Variants in NCOR1 observed in about 807,000 individuals in gnomAD.
NCOR1 encodes the protein nuclear receptor corepressor 1.
Under a neutral mutation model 288.1 loss-of-function variants are expected in NCOR1, and 63 were observed. That is an observed-to-expected ratio of 0.22 (90% CI 0.18 to 0.27). The LOEUF (loss-of-function observed/expected upper bound fraction) is 0.27, where lower values mean the gene tolerates loss of function less well. NCOR1 is among the 10% of genes least tolerant of loss of function. The pLI is 1.00. For synonymous variants in NCOR1, 1,007 were observed against 1,065.9 expected, an observed-to-expected ratio of 0.94 and a Z score of 1.08; for missense variants, 2,397 against 3,019.2, an observed-to-expected ratio of 0.79 and a Z score of 4.83.
intron 16 of NCOR1, among the ~76,000 whole-genome samples, chr17:16,120,223 C>T (rs1221339177): frequency 6.6e-6 from 1 of 152,108 alleles, no homozygotes; most frequent in African/African-American, 2.4e-5. Context: ...ACATGCTGGG[C>T]CCTCTGCCTC....
At chr17:16,180,259 A>G (rs564856057) in intron 3 of NCOR1, among the ~76,000 whole-genome samples, 4 of 152,352 alleles carry the variant, frequency 2.6e-5, no homozygotes, top group Admixed American at 2.0e-4. Context: ...AAGGATGGCT[A>G]TTCTCCAAAA....
At chr17:16,065,770 G>C in intron 32 of NCOR1, 76 bp from the exon 33 acceptor site, 1 of 1,325,486 alleles carries the variant, frequency 7.5e-7, no homozygotes. Flanking sequence ...ACGTACAAAA[G>C]AGTAGAGAAA....
rs745909361 is a variant in NCOR1, at chr17:16,092,002, G to A, written c.2877C>T (p.Leu959=). 8.1e-6 allele frequency: 13 copies of A among 1,614,088 alleles called. No homozygotes were observed. In the East Asian group the frequency reaches 2.0e-4, roughly 25 times the overall value. Residue 959 remains leucine, a synonymous_variant, in exon 22 of 46, where the codon CTC becomes CTT. Coordinates refer to ENST00000268712, the MANE Select transcript of NCOR1 (RefSeq NM_006311.4). ...GCATTGCTTTAATGTGTCGCTGGTA[G>A]AGAGCATAGCCGCTCACTGGGGTTC... ...PIGTPVSGYA[L]YQRHIKAMHE...
intron 44 of NCOR1, among the ~76,000 whole-genome samples, chr17:16,038,434 TC>T (rs1377109378): frequency 9.9e-6 from 1 of 100,586 alleles, no homozygotes; most frequent in African/African-American, 4.1e-5. Context: ...TTTTTCCTAC[TC>T]TTTTTTTTTT....
At chr17:16,196,043 T>C (rs1236755037) in intron 1 of NCOR1, among the ~76,000 whole-genome samples, 3 of 151,182 alleles carry the variant, frequency 2.0e-5, no homozygotes, top group African/African-American at 4.8e-5. Context: ...TGTGTGTGCA[T>C]ACTCTCTTAC....
intron 18 of NCOR1, among the ~76,000 whole-genome samples, chr17:16,109,865 T>C (rs1194984619): frequency 6.6e-6 from 1 of 152,040 alleles, no homozygotes; most frequent in South Asian, 2.1e-4. Flanking sequence ...TCCCGAATAG[T>C]TGGAATTACA....
intron 18 of NCOR1, among the ~76,000 whole-genome samples, chr17:16,112,097 C>CTGACCTAATG (rs2070368418): frequency 6.6e-6 from 1 of 152,058 alleles, no homozygotes; most frequent in Non-Finnish European, 1.5e-5. Flanking sequence ...TCTCAATCTC[C>CTGACCTAATG]TGACCTAATG....
intron 34 of NCOR1, among the ~76,000 whole-genome samples, chr17:16,064,619 A>AC (rs1230436980): frequency 1.3e-5 from 2 of 152,076 alleles, no homozygotes; most frequent in South Asian, 2.1e-4. Flanking sequence ...AAAAACAAAA[A>AC]AAAAACAAGA....
rs1430205390 is a variant in NCOR1 at position 16,107,373 on chromosome 17, T to C, written c.2182+1413A>G. Among the ~76,000 whole-genome samples the C allele has an allele frequency of 2.0e-5, 3 of 151,680 alleles. No individual in the cohort carries two copies. In the East Asian group the frequency reaches 5.8e-4, roughly 29 times the overall value. ...ACAGTGGGCTCTAATCCAGTAGGAGTTGTCTTCATATGAGGAAGAGACACC... is the reference window on the plus strand; with the variant it reads ...ACAGTGGGCTCTAATCCAGTAGGAGCTGTCTTCATATGAGGAAGAGACACC... On this transcript the variant is annotated intron_variant, in intron 19 of 45. Transcript: ENST00000268712.
In NCOR1 at chr17:16,070,261, G is replaced by A; in HGVS notation, c.4417C>T (p.Pro1473Ser). 6.2e-7 allele frequency: 1 copy of A among 1,614,060 alleles called. No individual in the cohort carries two copies. Among genetic ancestry groups the A allele is most frequent in the Non-Finnish European group, 8.5e-7 (1 of 1,180,022 alleles). Residue 1473 changes from proline to serine, a missense_variant, in exon 31 of 46, where the codon CCT (proline) becomes TCT (serine). Transcript: ENST00000268712. ...LHEAPKAQLS[P>S]GIYDDTSARR... ...GCACTGGTGTCATCATAAATCCCAG[G>A]GCTCAGTTGTGCTTTGGGAGCTTCA... is the stretch of plus-strand genomic sequence containing the variant.
At chr17:16,056,675 T>G (rs1359773168) in intron 40 of NCOR1, among the ~76,000 whole-genome samples, 5 of 152,126 alleles carry the variant, frequency 3.3e-5, no homozygotes, top group Non-Finnish European at 5.9e-5. Context: ...TAACATTTGC[T>G]AATATTTAGT....
At chr17:16,161,230 GACACACACACACACACACACACACAC>G (rs67635232) in intron 5 of NCOR1, among the ~76,000 whole-genome samples, 1 of 143,122 alleles carries the variant, frequency 7.0e-6, no homozygotes, top group Non-Finnish European at 1.5e-5. Context: ...AACACACACA[GACACACACACACACACACACACACAC>G]ACACACACAC....
intron 18 of NCOR1, 132 bp from the exon 19 acceptor site, chr17:16,109,044 T>C (rs1185938322): frequency 1.4e-6 from 1 of 709,988 alleles, no homozygotes; most frequent in Non-Finnish European, 2.0e-6. Flanking sequence ...ACAATAGTTC[T>C]GGTTAAAGTG....
intron 1 of NCOR1, among the ~76,000 whole-genome samples, chr17:16,211,335 A>T (rs747955708): frequency 5.9e-5 from 9 of 151,572 alleles, no homozygotes; most frequent in Non-Finnish European, 1.2e-4. Context: ...ATCATGGCTC[A>T]CTGCAACCTC....
At chr17:16,087,347 T>C (rs961975405) in intron 22 of NCOR1, 2 of 1,303,588 alleles carry the variant, frequency 1.5e-6, no homozygotes, top group Non-Finnish European at 2.0e-6. Flanking sequence ...CTGATTTTCC[T>C]ATGAAAGTTA....
At chr17:16,075,242 GT>G (rs1390487216) in intron 27 of NCOR1, among the ~76,000 whole-genome samples, 1 of 152,164 alleles carries the variant, frequency 6.6e-6, no homozygotes, top group Admixed American at 6.5e-5. Context: ...TTCCATTAAA[GT>G]TCAACAAAGG....
intron 11 of NCOR1, among the ~76,000 whole-genome samples, chr17:16,140,106 CAG>C (rs1465440213): frequency 1.3e-5 from 2 of 152,070 alleles, no homozygotes; most frequent in Non-Finnish European, 2.9e-5. Flanking sequence ...AGAAATTTAA[CAG>C]AGATTTACTC....
intron 44 of NCOR1, among the ~76,000 whole-genome samples, chr17:16,038,745 C>G (rs907222343): frequency 1.3e-5 from 2 of 151,006 alleles, no homozygotes; most frequent in African/African-American, 4.9e-5. Flanking sequence ...TTATGGCTTA[C>G]GATTATTTTA....
At chr17:16,048,769 G>C in intron 41 of NCOR1, 76 bp downstream of exon 41, 1 of 1,401,660 alleles carries the variant, frequency 7.1e-7, no homozygotes, top group Non-Finnish European at 9.4e-7. Context: ...TGAGAAAAAC[G>C]GCAACAACTG....
Sources: gnomAD v4.1 joint callset for allele counts (sites outside exome capture counted in the v4.1 genomes callset) on GRCh38, gnomAD v4.1.1 for gene constraint, MANE v1.5 for transcripts, NCBI Gene and HGNC (gene_info 2026-07-23, HGNC 2026-07-21) for gene names.